C12orf71: variants seen among roughly 807,000 people sequenced by gnomAD.
C12orf71 encodes the protein uncharacterized protein C12orf71.
Under a neutral mutation model 11.7 loss-of-function variants are expected in C12orf71, and 10 were observed. The ratio of observed to expected loss-of-function variants is 0.86; its 90% confidence interval spans 0.53 to 1.45. The LOEUF is 1.45. Ranked by LOEUF, C12orf71 falls within the 40% of genes most tolerant of loss-of-function variation. The pLI, the probability that C12orf71 is intolerant of heterozygous loss-of-function variation, is 0.00. For synonymous variants in C12orf71, 110 were observed against 123.4 expected (o/e 0.89, Z 0.72); for missense variants, 293 against 325.8 (o/e 0.90, Z 0.78).
chr12:27,081,714 C>G (rs1366939969), intron 1 of C12orf71: 1 of 694,890 alleles, frequency 1.4e-6, no homozygotes, highest in African/African-American at 1.8e-5. Context: ...CAGCTTCACC[C>G]TGACTCCTTT....
chr12:27,084,059 AAAG>A (rs1273998469), upstream of C12orf71, among the ~76,000 whole-genome samples: 6 of 152,250 alleles, frequency 3.9e-5, no homozygotes, highest in African/African-American at 1.4e-4. Flanking sequence ...TGAGGCAAAA[AAAG>A]GAGACACGAG....
chr12:27,081,364 G>T lies in C12orf71; in HGVS notation c.620C>A (p.Ala207Asp). 1.2e-6 allele frequency: 2 copies of T among 1,613,970 alleles called. No individual in the cohort carries two copies. The highest frequency in any genetic ancestry group is 2.2e-5 in the South Asian group (2 of 91,080). ...CCACCCAAAGTTCAGGCAGCACTGG[G>T]CCTGTGTGTGTGAAGGAGTGTCATC... is the stretch of plus-strand genomic sequence containing the variant. ...EKDDTPSHTQ[A>D]QCCLNFGWAF... The change falls in exon 2 of 2, where the codon GCC (alanine) becomes GAC (aspartate). Residue 207 changes from alanine to aspartate, a missense_variant. Ala to Asp is a moderately radical substitution (Grantham distance 126). Transcript: ENST00000429849.
chr12:27,082,858 T>C (rs1259334355), upstream of C12orf71, among the ~76,000 whole-genome samples: 2 of 152,016 alleles, frequency 1.3e-5, no homozygotes, highest in African/African-American at 4.8e-5. Flanking sequence ...ATTATAGGTG[T>C]GAGCCACCAC....
At chr12:27,081,750 G>T (rs1319109809) in intron 1 of C12orf71, 1 of 717,450 alleles carries the variant, frequency 1.4e-6, no homozygotes, top group Non-Finnish European at 2.5e-6. Flanking sequence ...CTGGTATCAC[G>T]TCAGTCCCCC....
rs1941927553 is a variant in C12orf71 at position 27,081,075 on chromosome 12, T to C, written c.*99A>G. 1.1e-6 allele frequency: 1 copy of C among 876,632 alleles called. No homozygotes were observed. The highest frequency in any genetic ancestry group is 3.4e-4 in the Middle Eastern group (1 of 2,926). 54.3% of individuals were successfully genotyped at this position (876,632 alleles called of 1,614,324 possible). On this transcript the variant is annotated 3_prime_UTR_variant, in exon 2 of 2. Transcript: ENST00000429849. Reference sequence around the variant, plus strand: ...AGGAAGATGTGGGGTAACAAGAGCATTTATTTTGTTTATTGAGGAAAAAAC... The same window carrying C: ...AGGAAGATGTGGGGTAACAAGAGCACTTATTTTGTTTATTGAGGAAAAAAC...
At position 27,082,357 on chromosome 12, in the gene C12orf71, C is replaced by A; in HGVS notation, c.127G>T (p.Asp43Tyr). 1.3e-6 allele frequency: 2 copies of A among 1,597,612 alleles called. No individual in the cohort carries two copies. The highest frequency in any genetic ancestry group is 1.7e-6 in the Non-Finnish European group (2 of 1,172,966). ...TPCEDTTSWEDAPSKGPSIHF... is the reference protein window; with the variant it reads ...TPCEDTTSWEYAPSKGPSIHF... ...ATGGAAGGACCCTTGGAAGGTGCAT[C>A]TTCCCAGGAGGTTGTGTCCTCACAG... is the stretch of plus-strand genomic sequence containing the variant. Residue 43 changes from aspartate to tyrosine, a missense_variant, in exon 1 of 2, where the codon GAT becomes TAT. By Grantham distance (160) the Asp-to-Tyr change is radical (BLOSUM62 -3). Transcript: ENST00000429849.
Position 27,082,342 on chromosome 12 carries a change from C to G in C12orf71, c.142G>C (p.Gly48Arg), listed in dbSNP as rs1941943933. 1.3e-6 allele frequency: 2 copies of G among 1,599,906 alleles called. No homozygotes were observed. Among genetic ancestry groups the G allele is most frequent in the Admixed American group, 3.5e-5 (2 of 57,662 alleles). ...GGAGGCAGAAAGTGGATGGAAGGAC[C>G]CTTGGAAGGTGCATCTTCCCAGGAG... ...TTSWEDAPSK[G>R]PSIHFLPPVQ... Residue 48 changes from glycine (G) to arginine (R), a missense_variant, in exon 1 of 2, where the codon GGT (glycine) becomes CGT (arginine). Gly to Arg is a moderately radical substitution (Grantham distance 125, BLOSUM62 -2). Transcript: ENST00000429849.
chr12:27,083,603 A>G (rs565116088), upstream of C12orf71, among the ~76,000 whole-genome samples: 1 of 152,348 alleles, frequency 6.6e-6, no homozygotes, highest in Admixed American at 6.5e-5. Flanking sequence ...GTAAATGTGG[A>G]TATGACATAT....
rs773919567 is a variant in C12orf71 at position 27,082,038 on chromosome 12, T to C, written c.446A>G (p.Asp149Gly). The C allele has an allele frequency of 1.3e-6, 2 of 1,596,938 alleles. No homozygotes were observed. Among genetic ancestry groups the C allele is most frequent in the Non-Finnish European group, 1.7e-6 (2 of 1,170,592 alleles). ...QIFLENLKDD[D>G]AVFPETAQQD... ...CTGAGCAGTTTCAGGAAATACAGCG[T>C]CATCATCTTTCAGATTTTCTAGAAA... The change falls in exon 1 of 2, where the codon GAC (aspartate) becomes GGC (glycine). Residue 149 changes from aspartate (D) to glycine (G), a missense_variant. Coordinates refer to ENST00000429849, the MANE Select transcript of C12orf71 (RefSeq NM_001080406.2).
chr12:27,081,756 C>T lies in C12orf71; in HGVS notation c.516+212G>A, dbSNP rs956836704. The T allele has an allele frequency of 5.3e-5, 38 of 719,778 alleles. No individual in the cohort carries two copies. In the African/African-American group the frequency reaches 6.3e-4, roughly 12 times the overall value. The allele number at this position is 719,778 out of a possible 1,614,324, so 44.6% of individuals were successfully genotyped here. A position where few individuals can be genotyped will look rare whatever the true frequency, so the allele number is the denominator to read the frequency against. On this transcript the variant is annotated intron_variant, in intron 1 of 1. Transcript: ENST00000429849. ...TGTCTCCCACTGGTATCACGTCAGT[C>T]CCCCTGGGACCTGCCTCCTCCTAGT...
upstream of C12orf71, among the ~76,000 whole-genome samples, chr12:27,083,871 G>A (rs780762998): frequency 9.2e-5 from 14 of 152,152 alleles, no homozygotes; most frequent in Non-Finnish European, 1.6e-4. Context: ...TCCTCCCACC[G>A]TCTGATGACA....
In C12orf71 at chr12:27,082,152, C is replaced by G. The variant is rs1310671828; in HGVS notation, c.332G>C (p.Gly111Ala). 3 of 1,613,844 alleles carry G rather than the reference C, an allele frequency of 1.9e-6. No homozygotes were observed. The highest frequency in any genetic ancestry group is 1.7e-6 in the Non-Finnish European group (2 of 1,179,824). ...TAACTTGTCTATCCACAGGTTGTCT[C>G]CATTTAGAAGCCTATTAGCTCTTGA... The part of the protein sequence containing the change: ...TDSRANRLLN[G>A]DNLWIDKLPK... The change falls in exon 1 of 2, where the codon GGA (glycine) becomes GCA (alanine). Residue 111 changes from glycine (G) to alanine (A), a missense_variant. Coordinates refer to ENST00000429849, the MANE Select transcript of C12orf71 (RefSeq NM_001080406.2).
Position 27,081,338 on chromosome 12 carries a change from C to T in C12orf71, c.646G>A (p.Ala216Thr), listed in dbSNP as rs1416701803. The T allele has an allele frequency of 1.2e-6, 2 of 1,613,816 alleles. No individual in the cohort carries two copies. The highest frequency in any genetic ancestry group is 2.2e-5 in the East Asian group (1 of 44,878). Reference protein sequence around the residue: ...QAQCCLNFGWAFSWLRQRILP... With the variant: ...QAQCCLNFGWTFSWLRQRILP... ...ATACGCTGCCTCAGCCAGCTGAAGGCCCACCCAAAGTTCAGGCAGCACTGG... is the reference window on the plus strand; with the variant it reads ...ATACGCTGCCTCAGCCAGCTGAAGGTCCACCCAAAGTTCAGGCAGCACTGG... The change falls in exon 2 of 2, where the codon GCC becomes ACC. Residue 216 changes from alanine (A) to threonine (T), a missense_variant. By Grantham distance (58) the Ala-to-Thr change is moderately conservative. Coordinates refer to ENST00000429849, the MANE Select transcript of C12orf71 (RefSeq NM_001080406.2).
chr12:27,081,870 A>G, intron 1 of C12orf71, 98 bp downstream of exon 1: 2 of 1,248,108 alleles, frequency 1.6e-6, no homozygotes, highest in East Asian at 2.5e-5. Context: ...ATGTCCCTTA[A>G]GCCTTAGAGG....
At chr12:27,081,935 G>T in intron 1 of C12orf71, 33 bp downstream of exon 1, 1 of 1,559,472 alleles carries the variant, frequency 6.4e-7, no homozygotes, top group Non-Finnish European at 8.7e-7. Context: ...ACTTGGGCAG[G>T]TCTTGACAAG....
In C12orf71 at chr12:27,082,485, G is replaced by A; in HGVS notation, c.-2C>T. The A allele has an allele frequency of 6.8e-7, 1 of 1,473,960 alleles. No individual in the cohort carries two copies. The highest frequency in any genetic ancestry group is 9.0e-7 in the Non-Finnish European group (1 of 1,113,138). 91.3% of individuals were successfully genotyped at this position (1,473,960 alleles called of 1,614,324 possible). A position where few individuals can be genotyped will look rare whatever the true frequency, so the allele number is the denominator to read the frequency against. On this transcript the variant is annotated 5_prime_UTR_variant, in exon 1 of 2. Transcript: ENST00000429849. ...GCTGTTAGAGGATGAATATGCCATG[G>A]AGTTCAAAGGCACAAATTTCTCTCA...
chr12:27,081,631 A>C (rs7980607), intron 1 of C12orf71, among the ~76,000 whole-genome samples, 164 bp from the exon 2 acceptor site: 62 of 152,270 alleles, frequency 4.1e-4, no homozygotes, highest in African/African-American at 1.4e-3. Flanking sequence ...TTTGGTGGGG[A>C]GGGAGATATA....
chr12:27,081,256 C>T lies in C12orf71; in HGVS notation c.728G>A (p.Arg243Gln), dbSNP rs753132100. The T allele has an allele frequency of 1.9e-5, 30 of 1,613,728 alleles. No individual in the cohort carries two copies. The Middle Eastern group carries it at 4.9e-4, about 27-fold the overall frequency. Residue 243 changes from arginine to glutamine, a missense_variant, in exon 2 of 2, where the codon CGG becomes CAG. Transcript: ENST00000429849. ...AAAGAGTCTTTTCGTTGGTGCTGAC[C>T]GATGGGGACTTTTGGTGGCATTCAC... is the stretch of plus-strand genomic sequence containing the variant. Reference protein sequence around the residue: ...HPVNATKSPHRSAPTKRLFHR... With the variant: ...HPVNATKSPHQSAPTKRLFHR...
At position 27,081,262 on chromosome 12, in the gene C12orf71, G is replaced by C. The variant is rs1375092441; in HGVS notation, c.722C>G (p.Pro241Arg). Reference protein sequence around the residue: ...RDHPVNATKSPHRSAPTKRLF... With the variant: ...RDHPVNATKSRHRSAPTKRLF... ...TCTTTTCGTTGGTGCTGACCGATGGGGACTTTTGGTGGCATTCACAGGGTG... is the reference window on the plus strand; with the variant it reads ...TCTTTTCGTTGGTGCTGACCGATGGCGACTTTTGGTGGCATTCACAGGGTG... Residue 241 changes from proline to arginine, a missense_variant, in exon 2 of 2, where the codon CCC becomes CGC. By Grantham distance (103) the Pro-to-Arg change is moderately radical. Transcript: ENST00000429849. 6.2e-7 allele frequency: 1 copy of C among 1,613,802 alleles called. No individual in the cohort carries two copies. The highest frequency in any genetic ancestry group is 8.5e-7 in the Non-Finnish European group (1 of 1,179,856).
Sources: allele counts gnomAD v4.1 joint callset (sites outside exome capture counted in the v4.1 genomes callset), GRCh38; gene constraint gnomAD v4.1.1; transcripts MANE v1.5; gene names NCBI Gene and HGNC (gene_info 2026-07-23, HGNC 2026-07-21).